The following RSPH14 variants were observed in gnomAD, a reference collection of about 807,000 sequenced individuals.
RSPH14 encodes radial spoke head 14 homolog.
In RSPH14, 20 loss-of-function variants were observed where a neutral mutation model predicts 26.7. That is an observed-to-expected ratio of 0.75 (90% confidence interval 0.53 to 1.09). RSPH14 has a LOEUF of 1.09. Ranked by LOEUF, RSPH14 falls within the 50% of genes least tolerant of loss-of-function variation. The pLI is 0.00. For missense variants in RSPH14, 449 were observed against 457.2 expected, an observed-to-expected ratio of 0.98 and a Z score of 0.16; for synonymous variants, 177 against 189.3, an observed-to-expected ratio of 0.93 and a Z score of 0.53.
chr22:23,177,982 G>T, the RSPH14 span, among the ~76,000 whole-genome samples: 3 of 152,132 alleles, frequency 2.0e-5, no homozygotes, highest in Admixed American at 2.0e-4. Flanking sequence ...AAATTTTTTT[G>T]TAGAGATGGA....
At chr22:23,082,819 A>G (rs545397487) in intron 4 of RSPH14, among the ~76,000 whole-genome samples, 2 of 152,288 alleles carry the variant, frequency 1.3e-5, no homozygotes, top group South Asian at 4.1e-4. Context: ...GATGGGCCTG[A>G]GGACCAGGAG....
At chr22:23,073,844 C>T (rs1007441457) in intron 4 of RSPH14, among the ~76,000 whole-genome samples, 1 of 152,010 alleles carries the variant, frequency 6.6e-6, no homozygotes, top group African/African-American at 2.4e-5. Context: ...AGTGCTCACA[C>T]CAGACGGGCA....
At chr22:23,175,413 C>T in the RSPH14 span, among the ~76,000 whole-genome samples, 1 of 152,054 alleles carries the variant, frequency 6.6e-6, no homozygotes, top group South Asian at 2.1e-4. Context: ...GCGTAATCTC[C>T]CCTCACTGCA....
At chr22:23,162,377 T>G in the RSPH14 span, 1 of 342,414 alleles carries the variant, frequency 2.9e-6, no homozygotes, top group East Asian at 7.6e-5. Context: ...TAACTCACTC[T>G]GCAGCCCTTG....
At chr22:23,089,148 CTG>C (rs1388050133) in intron 4 of RSPH14, among the ~76,000 whole-genome samples, 1 of 152,176 alleles carries the variant, frequency 6.6e-6, no homozygotes, top group Non-Finnish European at 1.5e-5. Context: ...ACTGCCGTCT[CTG>C]AGGAAGTCAG....
At chr22:23,145,763 C>A (rs1601878137), upstream of RSPH14, among the ~76,000 whole-genome samples, 1 of 152,350 alleles carries the variant, frequency 6.6e-6, no homozygotes, top group African/African-American at 2.4e-5. Context: ...AGGTCAGATG[C>A]GGGAAGACAA....
At chr22:23,105,288 G>A (rs977457072) in intron 4 of RSPH14, among the ~76,000 whole-genome samples, 1 of 152,224 alleles carries the variant, frequency 6.6e-6, no homozygotes, top group African/African-American at 2.4e-5. Context: ...TATGGGCAAG[G>A]TCCTGCCCCA....
chr22:23,088,518 G>T (rs909388799), intron 4 of RSPH14, among the ~76,000 whole-genome samples: 27 of 152,196 alleles, frequency 1.8e-4, no homozygotes, highest in African/African-American at 6.3e-4. Context: ...GATGGGGGTG[G>T]GGCAGTGCTG....
chr22:23,064,991 C>G (rs1419232667), intron 4 of RSPH14, among the ~76,000 whole-genome samples: 1 of 152,176 alleles, frequency 6.6e-6, no homozygotes, highest in African/African-American at 2.4e-5. Context: ...GCACAGTGCC[C>G]TTCCCTACGG....
chr22:23,138,847 C>G lies in RSPH14; in HGVS notation c.295G>C (p.Val99Leu). ...EVLHITASHS[V>L]GRYAFLEHDI... is the part of the protein sequence containing the mutation. ...TCCAGAACAGCATCCCACCTGCCCACGCTATGGCTTGCCGTGATGTGGAGC... is the reference window on the plus strand; with the variant it reads ...TCCAGAACAGCATCCCACCTGCCCAGGCTATGGCTTGCCGTGATGTGGAGC... The change falls in exon 3 of 7, where the codon GTG becomes CTG. Residue 99 changes from valine (V) to leucine (L), a missense_variant. By Grantham distance (32) the Val-to-Leu change is conservative (BLOSUM62 1). Transcript: ENST00000216036. 6.4e-7 allele frequency: 1 copy of G among 1,551,554 alleles called. No individual in the cohort carries two copies. The highest frequency in any genetic ancestry group is 8.7e-7 in the Non-Finnish European group (1 of 1,147,080).
intron 4 of RSPH14, among the ~76,000 whole-genome samples, chr22:23,086,016 C>T (rs112819339): frequency 1.0e-3 from 153 of 152,382 alleles, no homozygotes; most frequent in African/African-American, 3.4e-3. Context: ...GGCAGGGTCC[C>T]GCCCCTGGCT....
intron 5 of RSPH14, among the ~76,000 whole-genome samples, chr22:23,063,615 A>G (rs757904940): frequency 6.6e-5 from 10 of 152,202 alleles, no homozygotes; most frequent in Non-Finnish European, 8.8e-5. Flanking sequence ...TGTCATGATC[A>G]TCACCAGTGC....
chr22:23,087,665 G>A (rs986083019), intron 4 of RSPH14, among the ~76,000 whole-genome samples: 3 of 152,220 alleles, frequency 2.0e-5, no homozygotes, highest in African/African-American at 7.2e-5. Context: ...TGGATGGGGG[G>A]TAGCCAGTGA....
chr22:23,089,544 G>A (rs954919646), intron 4 of RSPH14, among the ~76,000 whole-genome samples: 4 of 152,182 alleles, frequency 2.6e-5, no homozygotes, highest in Non-Finnish European at 4.4e-5. Context: ...GGTCCCAAGA[G>A]AGGTGGCAGC....
At chr22:23,144,729 A>C (rs1290681727), upstream of RSPH14, among the ~76,000 whole-genome samples, 1 of 151,996 alleles carries the variant, frequency 6.6e-6, no homozygotes, top group Non-Finnish European at 1.5e-5. Flanking sequence ...AGCCTCCAGC[A>C]CACTTAGCTT....
chr22:23,137,533 G>A lies in RSPH14; in HGVS notation c.302+1307C>T, dbSNP rs185812520. ...TAGAGCTTGATGGGCTCTAAGTAAA[G>A]GTTAGGGGCACACAGGAGTCAAGTC... is the stretch of plus-strand genomic sequence containing the variant. On this transcript the variant is annotated intron_variant, in intron 3 of 6. Transcript: ENST00000216036. 3.9e-5 allele frequency among the ~76,000 whole-genome samples: 6 copies of A among 152,196 alleles called. No homozygotes were observed. The East Asian group carries it at 9.7e-4, about 24-fold the overall frequency.
chr22:23,059,538 TAA>T lies in RSPH14; in HGVS notation c.969_970del (p.Tyr324ArgfsTer35), dbSNP rs2146200899. On this transcript the variant is annotated frameshift_variant, in exon 7 of 7. Transcript: ENST00000216036. LOFTEE classifies it high-confidence loss of function. ...GGCTTCGGCCACTTGAGGCTTTTCG[TAA>T]GTCTCCACCTCCATGGCACGGAAAG... 1 of 1,614,194 alleles carries T rather than the reference TAA, an allele frequency of 6.2e-7. No individual in the cohort carries two copies. The highest frequency in any genetic ancestry group is 2.2e-5 in the East Asian group (1 of 44,892).
chr22:23,165,984 A>C, the RSPH14 span, among the ~76,000 whole-genome samples: 1 of 151,948 alleles, frequency 6.6e-6, no homozygotes, highest in Admixed American at 6.6e-5. Context: ...GTCTCTACTA[A>C]AAATACAAAA....
chr22:23,180,592 A>AGCGGCGGCGGCGGCGGCAG, the RSPH14 span: 6 of 179,796 alleles, frequency 3.3e-5, no homozygotes, highest in African/African-American at 9.7e-5. Flanking sequence ...CGGCGGCGGC[A>AGCGGCGGCGGCGGCGGCAG]CGGCGGCGGC....
Sources: gnomAD v4.1 joint callset for allele counts (sites outside exome capture counted in the v4.1 genomes callset) on GRCh38, gnomAD v4.1.1 for gene constraint, MANE v1.5 for transcripts, NCBI Gene and HGNC (gene_info 2026-07-23, HGNC 2026-07-21) for gene names.